Variants in IL1RAPL2 observed in about 807,000 individuals in gnomAD.
The protein encoded by IL1RAPL2 is interleukin 1 receptor accessory protein like 2, also known as X-linked interleukin-1 receptor accessory protein-like 2.
Under a neutral mutation model 44.1 loss-of-function variants are expected in IL1RAPL2, and 3 were observed. That is an observed-to-expected ratio of 0.07 (90% CI 0.03 to 0.18). The LOEUF (loss-of-function observed/expected upper bound fraction) is 0.18, where lower values mean the gene tolerates loss of function less well. Ranked by LOEUF, IL1RAPL2 falls within the 10% of genes least tolerant of loss-of-function variation. The pLI, the probability that IL1RAPL2 is intolerant of heterozygous loss-of-function variation, is 1.00. For missense variants in IL1RAPL2, 391 were observed against 496.4 expected (o/e 0.79, Z 2.02); for synonymous variants, 181 against 178.8 (o/e 1.01, Z -0.10).
chrX:104,699,189 G>T (rs913557999), intron 2 of IL1RAPL2, among the ~76,000 whole-genome samples: 5 of 111,184 alleles, frequency 4.5e-5, no homozygotes, highest in African/African-American at 3.3e-5. Flanking sequence ...GGATGGTGTA[G>T]GCATGATTCA....
At chrX:104,950,566 C>T (rs1024091264) in intron 2 of IL1RAPL2, among the ~76,000 whole-genome samples, 1 of 112,754 alleles carries the variant, frequency 8.9e-6, no homozygotes, top group Non-Finnish European at 1.9e-5. Context: ...GCCCCTCCCC[C>T]AGCCTGGCTG....
intron 2 of IL1RAPL2, among the ~76,000 whole-genome samples, chrX:105,082,941 G>A (rs1019235667): frequency 7.2e-5 from 8 of 111,244 alleles, no homozygotes; most frequent in African/African-American, 2.0e-4. Context: ...AAAACTGGAC[G>A]GAGAATGAGT....
intron 6 of IL1RAPL2, among the ~76,000 whole-genome samples, chrX:105,593,073 C>T (rs1384997675): frequency 1.8e-5 from 2 of 111,852 alleles, no homozygotes; most frequent in African/African-American, 3.2e-5. Flanking sequence ...GCCAACAATT[C>T]GTAGATTTGG....
chrX:104,708,896 TG>T (rs1020701570), intron 2 of IL1RAPL2, among the ~76,000 whole-genome samples: 1 of 110,827 alleles, frequency 9.0e-6, no homozygotes, highest in African/African-American at 3.3e-5. Context: ...GGTAGGTGCT[TG>T]GGGAATACAA....
chrX:105,099,199 A>T (rs1182781496), intron 2 of IL1RAPL2, among the ~76,000 whole-genome samples: 1 of 112,033 alleles, frequency 8.9e-6, no homozygotes, highest in Non-Finnish European at 1.9e-5. Context: ...GTAGTGCTAC[A>T]AAGAAGTATA....
intron 2 of IL1RAPL2, among the ~76,000 whole-genome samples, chrX:105,136,173 C>T (rs1215992401): frequency 2.7e-5 from 3 of 111,423 alleles, no homozygotes; most frequent in Admixed American, 9.5e-5. Context: ...CTTGAATATG[C>T]GTCTAGGTTA....
chrX:105,538,043 T>TC (rs2147795934), intron 6 of IL1RAPL2, among the ~76,000 whole-genome samples: 1 of 96,571 alleles, frequency 1.0e-5, no homozygotes, highest in African/African-American at 4.0e-5. Context: ...TTTTTTTTTT[T>TC]TTTTTTTTTT....
chrX:104,881,478 C>T (rs1294292865), intron 2 of IL1RAPL2, among the ~76,000 whole-genome samples: 2 of 111,869 alleles, frequency 1.8e-5, no homozygotes, highest in African/African-American at 6.5e-5. Flanking sequence ...GTTGTAATAC[C>T]TGGAACAAAG....
chrX:105,668,629 G>A (rs1739242045), intron 6 of IL1RAPL2, among the ~76,000 whole-genome samples: 1 of 112,221 alleles, frequency 8.9e-6, no homozygotes, highest in Admixed American at 9.4e-5. Context: ...GAGAGGACAT[G>A]CAGGTCCTAA....
At chrX:105,415,747 G>T (rs921714247) in intron 5 of IL1RAPL2, among the ~76,000 whole-genome samples, 1 of 111,082 alleles carries the variant, frequency 9.0e-6, no homozygotes, top group African/African-American at 3.3e-5. Context: ...AGCCTTCCTT[G>T]TACTTAGTAG....
At chrX:105,741,050 A>G (rs2147576253) in intron 8 of IL1RAPL2, among the ~76,000 whole-genome samples, 1 of 111,920 alleles carries the variant, frequency 8.9e-6, no homozygotes, top group South Asian at 3.7e-4. Flanking sequence ...AGATTTTATT[A>G]TTGGATGAGA....
At chrX:104,889,830 A>G (rs1230152519) in intron 2 of IL1RAPL2, among the ~76,000 whole-genome samples, 1 of 111,573 alleles carries the variant, frequency 9.0e-6, no homozygotes, top group Non-Finnish European at 1.9e-5. Flanking sequence ...TTTAAGTTCT[A>G]GGGTACATGT....
intron 2 of IL1RAPL2, among the ~76,000 whole-genome samples, chrX:104,924,997 G>T (rs1924738239): frequency 9.1e-6 from 1 of 109,863 alleles, no homozygotes; most frequent in Admixed American, 9.7e-5. Context: ...AATGATAAAG[G>T]TGACATTTAA....
chrX:104,993,313 C>A (rs1376931509), intron 2 of IL1RAPL2, among the ~76,000 whole-genome samples: 1 of 111,260 alleles, frequency 9.0e-6, no homozygotes, highest in Non-Finnish European at 1.9e-5. Flanking sequence ...ATTTTTGGCA[C>A]CCTCTGTGAA....
chrX:104,983,513 A>G (rs2147727849), intron 2 of IL1RAPL2, among the ~76,000 whole-genome samples: 1 of 99,073 alleles, frequency 1.0e-5, no homozygotes, highest in African/African-American at 3.7e-5. Context: ...ATTATATAAT[A>G]TTATATTAGA....
intron 2 of IL1RAPL2, among the ~76,000 whole-genome samples, chrX:104,754,168 T>C (rs758517110): frequency 9.0e-6 from 1 of 111,306 alleles, no homozygotes; most frequent in South Asian, 3.8e-4. Flanking sequence ...ATGAAACTTT[T>C]TGCAACAGAA....
intron 2 of IL1RAPL2, among the ~76,000 whole-genome samples, chrX:104,935,255 T>C (rs1186594734): frequency 1.8e-5 from 2 of 112,245 alleles, no homozygotes; most frequent in Non-Finnish European, 3.8e-5. Context: ...TCCAGTTGTT[T>C]TAAATTCCAT....
chrX:104,752,344 G>A (rs747896852), intron 2 of IL1RAPL2, among the ~76,000 whole-genome samples: 1 of 110,142 alleles, frequency 9.1e-6, no homozygotes, highest in African/African-American at 3.3e-5. Flanking sequence ...ATTATAAAAT[G>A]TATATTCAAT....
At chrX:104,919,523 C>CTTTTTTTTT (rs10666066) in intron 2 of IL1RAPL2, among the ~76,000 whole-genome samples, 1 of 84,609 alleles carries the variant, frequency 1.2e-5, no homozygotes. Context: ...CCACGCCTGG[C>CTTTTTTTTT]TTTTTTTTTT....
Sources: gnomAD v4.1 joint callset for allele counts (sites outside exome capture counted in the v4.1 genomes callset) on GRCh38, gnomAD v4.1.1 for gene constraint, MANE v1.5 for transcripts, NCBI Gene and HGNC (gene_info 2026-07-23, HGNC 2026-07-21) for gene names.